The following TRPV3 variants were observed in gnomAD, a reference collection of about 807,000 sequenced individuals.
The protein encoded by TRPV3 is VRL-3.
A neutral mutation model predicts 87.1 loss-of-function variants in TRPV3; 88 were observed. The ratio of observed to expected loss-of-function variants is 1.01; its 90% CI spans 0.85 to 1.21. The LOEUF (loss-of-function observed/expected upper bound fraction) is 1.21, where lower values mean the gene tolerates loss of function less well. Among genes scored for constraint, TRPV3 ranks in the 50% most tolerant of loss-of-function variants. The probability of loss-of-function intolerance (pLI) is 0.00; values close to 1 mark genes in which losing one functional copy is unlikely to be tolerated. For missense variants in TRPV3, 1,054 were observed against 1,030.1 expected, an observed-to-expected ratio of 1.02 and a Z score of -0.32; for synonymous variants, 438 against 423.3, an observed-to-expected ratio of 1.03 and a Z score of -0.43.
chr17:3,537,643 C>T (rs1262618737), intron 6 of TRPV3, among the ~76,000 whole-genome samples: 1 of 152,144 alleles, frequency 6.6e-6, no homozygotes, highest in Non-Finnish European at 1.5e-5. Context: ...GTAGCTCACA[C>T]CTGTAATCCC....
intron 2 of TRPV3, chr17:3,552,177 G>C (rs559407100): frequency 6.7e-6 from 1 of 148,890 alleles, no homozygotes; most frequent in Non-Finnish European, 1.5e-5. Flanking sequence ...GAGCCACCAC[G>C]CCTGGCCTTT....
chr17:3,536,111 G>C (rs909994904), intron 6 of TRPV3, among the ~76,000 whole-genome samples: 2 of 152,232 alleles, frequency 1.3e-5, no homozygotes, highest in African/African-American at 4.8e-5. Context: ...TCTAACCTGG[G>C]ACCTCAGAAG....
At chr17:3,526,965 A>G (rs775529483) in intron 11 of TRPV3, 38 bp from the exon 12 acceptor site, 1 of 1,559,308 alleles carries the variant, frequency 6.4e-7, no homozygotes, top group South Asian at 1.2e-5. Context: ...CACCCTCTTC[A>G]TGGCCCTCAG....
In TRPV3 at chr17:3,542,546, C is replaced by T. The variant is rs770182855; in HGVS notation, c.619G>A (p.Glu207Lys). The T allele has an allele frequency of 1.3e-5, 21 of 1,613,856 alleles. No individual in the cohort carries two copies. Among genetic ancestry groups the T allele is most frequent in the African/African-American group, 4.0e-5 (3 of 74,896 alleles). Residue 207 changes from glutamate to lysine, a missense_variant, in exon 6 of 18, where the codon GAG (glutamate) becomes AAG (lysine). Transcript: ENST00000576742. ...CCTTCATAGGCCTCCTCTGTGTACT[C>T]GGCGTTGATGAACCTGCCCAGGATG... ...NDILGRFINA[E>K]YTEEAYEGQT...
At chr17:3,542,734 C>A in intron 5 of TRPV3, 36 bp from the exon 6 acceptor site, 4 of 1,598,818 alleles carry the variant, frequency 2.5e-6, no homozygotes, top group Middle Eastern at 3.4e-4. Context: ...TACAGGAGGG[C>A]CCCGGCTGCC....
At chr17:3,549,511 G>A (rs1439857642) in intron 2 of TRPV3, among the ~76,000 whole-genome samples, 1 of 152,228 alleles carries the variant, frequency 6.6e-6, no homozygotes, top group East Asian at 1.9e-4. Flanking sequence ...ACACTCAGAA[G>A]ACTTCATCAG....
At chr17:3,523,438 G>T (rs1209360597) in intron 13 of TRPV3, among the ~76,000 whole-genome samples, 1 of 152,104 alleles carries the variant, frequency 6.6e-6, no homozygotes. Flanking sequence ...CAACAAATAG[G>T]CCTGGCGCGG....
intron 6 of TRPV3, among the ~76,000 whole-genome samples, chr17:3,536,280 T>C (rs1167219603): frequency 3.3e-5 from 5 of 152,112 alleles, no homozygotes; most frequent in Non-Finnish European, 7.4e-5. Context: ...GCTGCAAAAG[T>C]GGAGGATGCG....
At chr17:3,535,198 CT>C (rs2074390282) in intron 7 of TRPV3, among the ~76,000 whole-genome samples, 2 of 88,836 alleles carry the variant, frequency 2.3e-5, no homozygotes, top group African/African-American at 4.3e-5. Context: ...CTCCCTCTCC[CT>C]CCTCCTTCTC....
At chr17:3,516,363 G>A (rs2074183166) in intron 16 of TRPV3, 94 bp downstream of exon 16, 1 of 968,670 alleles carries the variant, frequency 1.0e-6, no homozygotes, top group East Asian at 2.4e-5. Flanking sequence ...TGGTTAGCAA[G>A]TGGCGGCACT....
chr17:3,543,783 C>A (rs1597487831), intron 4 of TRPV3, among the ~76,000 whole-genome samples, 155 bp from the exon 5 acceptor site: 1 of 152,312 alleles, frequency 6.6e-6, no homozygotes, highest in Non-Finnish European at 1.5e-5. Context: ...CTGTGTGGAC[C>A]CATCAGGCTC....
Position 3,544,481 on chromosome 17 carries a change from G to A in TRPV3, c.311+98C>T, listed in dbSNP as rs1234342307. On this transcript the variant is annotated intron_variant, in intron 4 of 17. Coordinates refer to ENST00000576742, the MANE Select transcript of TRPV3 (RefSeq NM_145068.4). ...CCACTTGTCCCAATCCCCAGGAATG[G>A]TGGATTCTTTCTCCTTCCTGCAGGG... The A allele has an allele frequency of 5.5e-6, 4 of 725,468 alleles. No homozygotes were observed. The Admixed American group carries it at 1.2e-4, about 22-fold the overall frequency. The allele number at this position is 725,468 out of a possible 1,614,324, so 44.9% of individuals were successfully genotyped here. A position where few individuals can be genotyped will look rare whatever the true frequency, so the allele number is the denominator to read the frequency against.
rs2074643968 is a variant in TRPV3, at chr17:3,557,510, C to T, written c.-3+166G>A. ...CAAGAGTGCAGCCAAGAGTGCCTCC[C>T]TACAGCCAAGAGTGGGCCCCTGGCT... On this transcript the variant is annotated intron_variant, in intron 1 of 17. Transcript: ENST00000576742. The surrounding 1 kb of genome is among the most constrained non-coding windows in gnomAD (Gnocchi z 4.5). Among the ~76,000 whole-genome samples, 1 of 152,210 alleles carries T rather than the reference C, an allele frequency of 6.6e-6. No homozygotes were observed. The highest frequency in any genetic ancestry group is 2.1e-4 in the South Asian group (1 of 4,836).
intron 16 of TRPV3, among the ~76,000 whole-genome samples, chr17:3,514,998 G>A (rs965406859): frequency 3.3e-5 from 5 of 152,170 alleles, no homozygotes; most frequent in African/African-American, 1.2e-4. Flanking sequence ...AGGGGAAGCG[G>A]GGACAGACAG....
chr17:3,539,965 C>A (rs920804297), intron 6 of TRPV3, among the ~76,000 whole-genome samples: 4 of 151,648 alleles, frequency 2.6e-5, no homozygotes, highest in African/African-American at 9.7e-5. Flanking sequence ...GTCCCAGCTA[C>A]TTGGGATGCT....
chr17:3,546,472 C>T (rs893114347), intron 2 of TRPV3, among the ~76,000 whole-genome samples: 2 of 151,954 alleles, frequency 1.3e-5, no homozygotes, highest in East Asian at 1.9e-4. Context: ...AAAACATAGA[C>T]GCATAGGGGA....
At chr17:3,523,718 C>CAAAAAAAA (rs201681037) in intron 13 of TRPV3, among the ~76,000 whole-genome samples, 2 of 78,638 alleles carry the variant, frequency 2.5e-5, no homozygotes, top group Non-Finnish European at 2.6e-5. Flanking sequence ...ACTTGGTCTC[C>CAAAAAAAA]AAAAAAAAAA....
At chr17:3,546,507 A>C (rs927274921) in intron 2 of TRPV3, 4 of 357,862 alleles carry the variant, frequency 1.1e-5, no homozygotes, top group African/African-American at 6.4e-5. Flanking sequence ...CATTTGTCTC[A>C]GTGGGGTCGG....
At chr17:3,529,815 G>A (rs1017317421) in intron 9 of TRPV3, among the ~76,000 whole-genome samples, 1 of 106,046 alleles carries the variant, frequency 9.4e-6, no homozygotes, top group Non-Finnish European at 1.7e-5. Context: ...CAGGTCTACA[G>A]TCCAAGGTCA....
Sources: allele counts gnomAD v4.1 joint callset (sites outside exome capture counted in the v4.1 genomes callset), GRCh38; gene constraint gnomAD v4.1.1; non-coding constraint Gnocchi (gnomAD v3.1); transcripts MANE v1.5; gene names NCBI Gene and HGNC (gene_info 2026-07-23, HGNC 2026-07-21).